Variants in ASB9 observed in about 807,000 individuals in gnomAD.
The protein encoded by ASB9 is ankyrin repeat and SOCS box protein 9.
Under a neutral mutation model 16.6 loss-of-function variants are expected in ASB9, and 5 were observed. The observed-to-expected ratio is 0.30, with a 90% confidence interval of 0.16 to 0.63. ASB9 has a LOEUF of 0.63. Ranked by LOEUF, ASB9 falls within the 30% of genes least tolerant of loss-of-function variation. The probability of loss-of-function intolerance (pLI) is 0.82; values close to 1 mark genes in which losing one functional copy is unlikely to be tolerated. For missense variants in ASB9, 216 were observed against 229.4 expected, an observed-to-expected ratio of 0.94 and a Z score of 0.38; for synonymous variants, 100 against 86.4, an observed-to-expected ratio of 1.16 and a Z score of -0.87.
chrX:15,266,902 C>G (rs1339604348), intron 1 of ASB9, among the ~76,000 whole-genome samples: 2 of 105,767 alleles, frequency 1.9e-5, no homozygotes, highest in East Asian at 5.8e-4. Flanking sequence ...TGCCACTGCA[C>G]TCCAGCCTGG....
intron 1 of ASB9, among the ~76,000 whole-genome samples, chrX:15,263,590 CT>C (rs1926151143): frequency 5.1e-5 from 1 of 19,545 alleles, no homozygotes; most frequent in Non-Finnish European, 8.9e-5. Context: ...CCTCTCTCTT[CT>C]CTCTCTCTCT....
At chrX:15,253,078 C>G (rs1308588186) in intron 3 of ASB9, among the ~76,000 whole-genome samples, 2 of 109,536 alleles carry the variant, frequency 1.8e-5, no homozygotes, top group African/African-American at 6.7e-5. Flanking sequence ...TACTAAGATA[C>G]AAAAAATTAG....
Position 15,269,830 on chromosome X carries a change from C to A in ASB9, c.45G>T (p.Gly15=). ...QGGMDGSKPA[G]PRDFPGIRLL... is the part of the protein sequence containing the mutation. ...GCCTGATGCCAGGAAAGTCCCTTGG[C>A]CCCGCGGGCTTGCTCCCATCCATGC... The change falls in exon 1 of 7, where the codon GGG becomes GGT. Residue 15 remains glycine, a synonymous_variant. Coordinates refer to ENST00000380488, the MANE Select transcript of ASB9 (RefSeq NM_001031739.3). 8.3e-7 allele frequency: 1 copy of A among 1,207,732 alleles called. No individual in the cohort carries two copies. Among genetic ancestry groups the A allele is most frequent in the Non-Finnish European group, 1.1e-6 (1 of 893,647 alleles).
chrX:15,267,894 T>A (rs1457811686), intron 1 of ASB9, among the ~76,000 whole-genome samples: 1 of 111,321 alleles, frequency 9.0e-6, no homozygotes, highest in Non-Finnish European at 1.9e-5. Context: ...CCACTCACCA[T>A]TGAGTACTCT....
chrX:15,260,330 G>A (rs776463912), intron 1 of ASB9, among the ~76,000 whole-genome samples: 13 of 111,879 alleles, frequency 1.2e-4, no homozygotes, highest in African/African-American at 3.9e-4. Flanking sequence ...CCCGGGAGGC[G>A]GAGGTTGCAG....
chrX:15,250,624 A>AT, intron 4 of ASB9, 60 bp from the exon 5 acceptor site: 2 of 1,088,135 alleles, frequency 1.8e-6, no homozygotes, highest in Non-Finnish European at 2.5e-6. Flanking sequence ...CTAGAAAGAC[A>AT]TTGCCATCCC....
At position 15,264,209 on chromosome X, in the gene ASB9, T is replaced by C. The variant is rs1156573827; in HGVS notation, c.95-5264A>G. 4.5e-5 allele frequency among the ~76,000 whole-genome samples: 5 copies of C among 111,285 alleles called. No homozygotes were observed. The Admixed American group carries it at 4.8e-4, about 11-fold the overall frequency. ...CCTTGGTTTCTAGATGTGTCACTCC[T>C]ATCTCTGCCTCTGTTGTCACATAGC... is the stretch of plus-strand genomic sequence containing the variant. On this transcript the variant is annotated intron_variant, in intron 1 of 6. Transcript: ENST00000380488.
At chrX:15,260,144 A>G (rs1444277858) in intron 1 of ASB9, among the ~76,000 whole-genome samples, 1 of 112,358 alleles carries the variant, frequency 8.9e-6, no homozygotes, top group African/African-American at 3.2e-5. Flanking sequence ...CACACCTGCA[A>G]TCCCAGCACT....
rs754386551 is a variant in ASB9, at chrX:15,244,479, G to A, written c.*27C>T. The A allele has an allele frequency of 2.6e-5, 30 of 1,173,470 alleles. No individual in the cohort carries two copies. The highest frequency in any genetic ancestry group is 3.2e-5 in the Non-Finnish European group (28 of 863,961). On this transcript the variant is annotated 3_prime_UTR_variant, in exon 7 of 7. Transcript: ENST00000380488. Reference sequence around the variant, plus strand: ...CAACACTCAATAATGTTTTCACATCGTTTGTGAATCCATTCCCTAGATGCA... The same window carrying A: ...CAACACTCAATAATGTTTTCACATCATTTGTGAATCCATTCCCTAGATGCA...
chrX:15,252,447 T>C, intron 3 of ASB9, 43 bp from the exon 4 acceptor site: 1 of 1,150,520 alleles, frequency 8.7e-7, no homozygotes, highest in East Asian at 3.1e-5. Flanking sequence ...AGGGGGATGT[T>C]TTGGGTTCAA....
chrX:15,259,734 T>C (rs750410603), intron 1 of ASB9, among the ~76,000 whole-genome samples: 2 of 112,353 alleles, frequency 1.8e-5, no homozygotes, highest in East Asian at 5.6e-4. Context: ...GCTTCTTGAG[T>C]GCTAACATGA....
chrX:15,259,666 T>C (rs915179587), intron 1 of ASB9, among the ~76,000 whole-genome samples: 8 of 112,074 alleles, frequency 7.1e-5, no homozygotes, highest in Non-Finnish European at 9.4e-5. Context: ...ATATATAACA[T>C]ACAGGTTGAG....
intron 2 of ASB9, 29 bp from the exon 3 acceptor site, chrX:15,254,873 G>A (rs1925411733): frequency 3.5e-6 from 4 of 1,144,412 alleles, no homozygotes; most frequent in Non-Finnish European, 4.8e-6. Flanking sequence ...TCAGAGTAAG[G>A]GGTGCAAAGC....
chrX:15,262,062 CTTCTT>C (rs1385051180), intron 1 of ASB9, among the ~76,000 whole-genome samples: 19 of 109,837 alleles, frequency 1.7e-4, no homozygotes, highest in Admixed American at 1.7e-3. Flanking sequence ...TTGCAACTGG[CTTCTT>C]TTATTTAGCA....
chrX:15,261,236 C>G lies in ASB9; in HGVS notation c.95-2291G>C, dbSNP rs188716686. ...TTCCACCCTGTTGGTGCTGATAATG[C>G]CAAATACCATTCACACAAAATCTTG... On this transcript the variant is annotated intron_variant, in intron 1 of 6. Coordinates refer to ENST00000380488, the MANE Select transcript of ASB9 (RefSeq NM_001031739.3). 8.0e-5 allele frequency among the ~76,000 whole-genome samples: 9 copies of G among 112,029 alleles called. No homozygotes were observed. The East Asian group carries it at 2.2e-3, about 28-fold the overall frequency.
At chrX:15,247,500 G>GA (rs1290631756) in intron 6 of ASB9, among the ~76,000 whole-genome samples, 17 of 111,780 alleles carry the variant, frequency 1.5e-4, no homozygotes, top group Non-Finnish European at 2.8e-4. Flanking sequence ...GACTGAGGGG[G>GA]ACCTGAGGCA....
rs746428099 is a variant in ASB9 at position 15,244,354 on chromosome X, T to C, written c.*152A>G. On this transcript the variant is annotated 3_prime_UTR_variant, in exon 7 of 7. Coordinates refer to ENST00000380488, the MANE Select transcript of ASB9 (RefSeq NM_001031739.3). ...CAAATACAAATTGAATAGAAAAAAT[T>C]AGTCAAACTCCATAAACAAGTTTAT... The C allele has an allele frequency of 2.8e-5, 18 of 643,080 alleles. No homozygotes were observed. In the South Asian group the frequency reaches 4.7e-4, roughly 17 times the overall value. The allele number at this position is 643,080 out of a possible 1,213,427, so 53.0% of individuals were successfully genotyped here. A position where few individuals can be genotyped will look rare whatever the true frequency, so the allele number is the denominator to read the frequency against.
intron 2 of ASB9, 99 bp from the exon 3 acceptor site, chrX:15,254,943 G>T: frequency 3.1e-6 from 2 of 641,711 alleles, no homozygotes; most frequent in Non-Finnish European, 4.9e-6. Context: ...AGCTGACCTG[G>T]CTCAAAGTCA....
intron 3 of ASB9, among the ~76,000 whole-genome samples, chrX:15,252,967 C>G (rs1398795139): frequency 8.9e-6 from 1 of 112,596 alleles, no homozygotes; most frequent in Non-Finnish European, 1.9e-5. Flanking sequence ...GGCGCAGTGG[C>G]TCACGCCTAT....
Sources: allele counts gnomAD v4.1 joint callset (sites outside exome capture counted in the v4.1 genomes callset), GRCh38; gene constraint gnomAD v4.1.1; transcripts MANE v1.5; gene names NCBI Gene and HGNC (gene_info 2026-07-23, HGNC 2026-07-21).